NALF1: variants seen among roughly 807,000 people sequenced by gnomAD.
NALF1 encodes the protein NALCN channel auxiliary factor 1, also known as family with sequence similarity 155 member A.
A neutral mutation model predicts 48.4 loss-of-function variants in NALF1; 3 were observed. The ratio of observed to expected loss-of-function variants is 0.06; its 90% CI spans 0.03 to 0.16. The LOEUF (loss-of-function observed/expected upper bound fraction) is 0.16. Among genes scored for constraint, NALF1 ranks in the 10% least tolerant of loss-of-function variants. The pLI is 1.00. For missense variants in NALF1, 526 were observed against 571.5 expected, an observed-to-expected ratio of 0.92 and a Z score of 0.81; for synonymous variants, 262 against 245.7, an observed-to-expected ratio of 1.07 and a Z score of -0.62.
At chr13:107,739,223 C>A (rs929651077) in intron 1 of NALF1, among the ~76,000 whole-genome samples, 5 of 151,838 alleles carry the variant, frequency 3.3e-5, no homozygotes, top group Admixed American at 3.3e-4. Flanking sequence ...GGGCTTAAAA[C>A]CTAGATGATG....
intron 1 of NALF1, among the ~76,000 whole-genome samples, chr13:107,360,294 C>A (rs1428447925): frequency 6.6e-6 from 1 of 152,132 alleles, no homozygotes; most frequent in Admixed American, 6.6e-5. Context: ...AGCACAATTT[C>A]CACTAAACCA....
At chr13:107,221,668 G>A (rs1307187835) in intron 1 of NALF1, among the ~76,000 whole-genome samples, 2 of 152,168 alleles carry the variant, frequency 1.3e-5, no homozygotes, top group Non-Finnish European at 2.9e-5. Flanking sequence ...TGTGATGTGA[G>A]TGATATTATT....
At chr13:107,330,113 G>A (rs1289016591) in intron 1 of NALF1, among the ~76,000 whole-genome samples, 3 of 152,142 alleles carry the variant, frequency 2.0e-5, no homozygotes, top group Admixed American at 1.3e-4. Context: ...TCCTAGAGAA[G>A]GCTGCACTGA....
rs145656127 is a variant in NALF1 at position 107,650,098 on chromosome 13, C to A, written c.915+215584G>T. On this transcript the variant is annotated intron_variant, in intron 1 of 2. Transcript: ENST00000375915. ...TTCAAAATGAGTATTTTAAAAGTTG[C>A]CTGTTAAGTCAAAGATCGGAGTTTT... Among the ~76,000 whole-genome samples, 132 of 152,246 alleles carry A rather than the reference C, an allele frequency of 8.7e-4. No individual in the cohort carries two copies. The East Asian group carries it at 0.023, about 26-fold the overall frequency.
At chr13:107,749,771 T>C (rs1181607203) in intron 1 of NALF1, among the ~76,000 whole-genome samples, 2 of 152,056 alleles carry the variant, frequency 1.3e-5, no homozygotes, top group Non-Finnish European at 2.9e-5. Flanking sequence ...GATATGAAAT[T>C]ATTTTTTACT....
intron 1 of NALF1, among the ~76,000 whole-genome samples, chr13:107,296,529 C>T (rs3843684): frequency 0.87 from 132,959 of 152,216 alleles, 58,362 homozygotes; most frequent in Non-Finnish European, 0.91. Flanking sequence ...TTCAAAACTA[C>T]CATGGTCCTA....
At chr13:107,325,851 C>CATATATATATAT (rs1409352115) in intron 1 of NALF1, among the ~76,000 whole-genome samples, 1 of 51,976 alleles carries the variant, frequency 1.9e-5, no homozygotes, top group Non-Finnish European at 3.5e-5. Flanking sequence ...AACACACACA[C>CATATATATATAT]ACACATATAT....
chr13:107,453,962 C>T (rs901350955), intron 1 of NALF1, among the ~76,000 whole-genome samples: 1 of 152,190 alleles, frequency 6.6e-6, no homozygotes, highest in Non-Finnish European at 1.5e-5. Flanking sequence ...TGCCACCAGT[C>T]TCCTTGCTAT....
intron 1 of NALF1, among the ~76,000 whole-genome samples, chr13:107,728,353 T>TA (rs923073646): frequency 3.9e-5 from 6 of 152,050 alleles, no homozygotes; most frequent in African/African-American, 1.2e-4. Context: ...TATGCAGCCA[T>TA]AAAAAAGAAT....
intron 1 of NALF1, among the ~76,000 whole-genome samples, chr13:107,449,753 G>C (rs1275045473): frequency 6.6e-6 from 1 of 152,182 alleles, no homozygotes; most frequent in Non-Finnish European, 1.5e-5. Flanking sequence ...CACTTAGTAT[G>C]TGTTGGAGGC....
rs139744903 is a variant in NALF1 at position 107,702,903 on chromosome 13, C to T, written c.915+162779G>A. On this transcript the variant is annotated intron_variant, in intron 1 of 2. Coordinates refer to ENST00000375915, the MANE Select transcript of NALF1 (RefSeq NM_001080396.3). ...CTTCCTTTTTATGGCTGTATAGTATCCCATGGTGTATATGTACCACCTTTT... is the reference window on the plus strand; with the variant it reads ...CTTCCTTTTTATGGCTGTATAGTATTCCATGGTGTATATGTACCACCTTTT... 3.7e-3 allele frequency among the ~76,000 whole-genome samples: 566 copies of T among 152,224 alleles called. 5 individuals carry two copies. Among genetic ancestry groups the T allele is most frequent in the Non-Finnish European group, 3.9e-3 (264 of 68,020 alleles).
At chr13:107,742,338 G>A (rs1200902969) in intron 1 of NALF1, among the ~76,000 whole-genome samples, 1 of 152,176 alleles carries the variant, frequency 6.6e-6, no homozygotes, top group Non-Finnish European at 1.5e-5. Context: ...GTTTGGCTGT[G>A]TCCCCACTCA....
chr13:107,218,838 A>G (rs1447256923), intron 1 of NALF1, among the ~76,000 whole-genome samples: 1 of 152,152 alleles, frequency 6.6e-6, no homozygotes, highest in African/African-American at 2.4e-5. Context: ...GGCAAAGTAT[A>G]TTTTATAGCT....
chr13:107,369,148 T>C (rs1883204298), intron 1 of NALF1, among the ~76,000 whole-genome samples: 1 of 152,212 alleles, frequency 6.6e-6, no homozygotes, highest in Non-Finnish European at 1.5e-5. Context: ...TACTACTCTA[T>C]CAGAGTATGT....
intron 2 of NALF1, among the ~76,000 whole-genome samples, chr13:107,178,910 A>C (rs923757285): frequency 1.3e-4 from 19 of 151,798 alleles, no homozygotes; most frequent in African/African-American, 2.2e-4. Context: ...CCGCCACTGC[A>C]CTCCAGCCTG....
At chr13:107,239,328 G>C (rs1880417746) in intron 1 of NALF1, among the ~76,000 whole-genome samples, 1 of 152,068 alleles carries the variant, frequency 6.6e-6, no homozygotes, top group African/African-American at 2.4e-5. Flanking sequence ...TGGTGTTGCC[G>C]GTCACCCTCA....
chr13:107,393,918 T>C (rs1157633748), intron 1 of NALF1, among the ~76,000 whole-genome samples: 3 of 152,134 alleles, frequency 2.0e-5, no homozygotes, highest in Admixed American at 1.3e-4. Context: ...GAGAAAGAAA[T>C]GAAGAGGTAC....
At position 107,386,992 on chromosome 13, in the gene NALF1, G is replaced by A. The variant is rs182553179; in HGVS notation, c.916-176237C>T. ...TGAGTCTGGAAAGATTGCAGTTCAT[G>A]TATTAGCTATGCACAAAAAAATGAA... is the stretch of plus-strand genomic sequence containing the variant. On this transcript the variant is annotated intron_variant, in intron 1 of 2. Transcript: ENST00000375915. Among the ~76,000 whole-genome samples the A allele has an allele frequency of 3.8e-3, 573 of 152,202 alleles. 3 individuals carry two copies. Among genetic ancestry groups the A allele is most frequent in the African/African-American group, 0.013 (555 of 41,520 alleles).
rs929747551 is a variant in NALF1, at chr13:107,215,138, T to C, written c.916-4383A>G. Among the ~76,000 whole-genome samples the C allele has an allele frequency of 3.3e-5, 5 of 152,192 alleles. No individual in the cohort carries two copies. In the East Asian group the frequency reaches 7.7e-4, roughly 23 times the overall value. Reference sequence around the variant, plus strand: ...CTCTGTTAACGTCGGAAGTGGGGTCTAGAAAGATGCAGATGACAGCTGAGC... The same window carrying C: ...CTCTGTTAACGTCGGAAGTGGGGTCCAGAAAGATGCAGATGACAGCTGAGC... On this transcript the variant is annotated intron_variant, in intron 1 of 2. Transcript: ENST00000375915.
Sources: gnomAD v4.1 joint callset for allele counts (sites outside exome capture counted in the v4.1 genomes callset) on GRCh38, gnomAD v4.1.1 for gene constraint, MANE v1.5 for transcripts, NCBI Gene and HGNC (gene_info 2026-07-23, HGNC 2026-07-21) for gene names.